ZBTB40: variants seen among roughly 807,000 people sequenced by gnomAD.
The protein encoded by ZBTB40 is zinc finger and BTB domain containing 40.
A neutral mutation model predicts 117.5 loss-of-function variants in ZBTB40; 60 were observed. That is an observed-to-expected ratio of 0.51 (90% CI 0.41 to 0.63). The LOEUF (loss-of-function observed/expected upper bound fraction) is 0.63. Among genes scored for constraint, ZBTB40 ranks in the 30% least tolerant of loss-of-function variants. ZBTB40 has a pLI of 0.00. For missense variants in ZBTB40, 1,287 were observed against 1,498.5 expected (o/e 0.86, Z 2.33); for synonymous variants, 525 against 577.1 (o/e 0.91, Z 1.29).
At chr1:22,464,244 C>G (rs1267002914) in intron 1 of ZBTB40, among the ~76,000 whole-genome samples, 1 of 152,236 alleles carries the variant, frequency 6.6e-6, no homozygotes, top group African/African-American at 2.4e-5. Flanking sequence ...ATTGAACATT[C>G]AAGATTCGCA....
Position 22,490,289 on chromosome 1 carries a change from C to T in ZBTB40, c.341C>T (p.Thr114Ile). The T allele has an allele frequency of 6.2e-7, 1 of 1,614,188 alleles. No homozygotes were observed. The highest frequency in any genetic ancestry group is 8.5e-7 in the Non-Finnish European group (1 of 1,180,040). The change falls in exon 2 of 18, where the codon ACC (threonine) becomes ATC (isoleucine). Residue 114 changes from threonine (T) to isoleucine (I), a missense_variant. Thr to Ile is a moderately conservative substitution (Grantham distance 89). Coordinates refer to ENST00000375647, the MANE Select transcript of ZBTB40 (RefSeq NM_014870.4). Reference sequence around the variant, plus strand: ...GCTGTTAGCTGCAAAAATCTTCTGACCAGCCTTGTAAACTGCTCGGTTCAG... The same window carrying T: ...GCTGTTAGCTGCAAAAATCTTCTGATCAGCCTTGTAAACTGCTCGGTTCAG... The part of the protein sequence containing the change: ...DVAVSCKNLL[T>I]SLVNCSVQGQ...
chr1:22,499,914 T>C (rs1029422336), intron 3 of ZBTB40, among the ~76,000 whole-genome samples: 1 of 152,244 alleles, frequency 6.6e-6, no homozygotes, highest in Non-Finnish European at 1.5e-5. Context: ...ACAGTATTCA[T>C]GAGCTCCTTT....
In ZBTB40 at chr1:22,530,997, C is replaced by G. The variant is rs1639813694; in HGVS notation, c.*4601C>G. The G allele has an allele frequency of 6.6e-6, 1 of 152,192 alleles. No homozygotes were observed. The allele number at this position is 152,192 out of a possible 1,614,324, so 9.4% of individuals were successfully genotyped here. A position where few individuals can be genotyped will look rare whatever the true frequency, so the allele number is the denominator to read the frequency against. On this transcript the variant is annotated 3_prime_UTR_variant, in exon 18 of 18. Transcript: ENST00000375647. Reference sequence around the variant, plus strand: ...ACTGACATTGTGTGAGATGCTTACTCTCTCTGAGCTCCCTCCTCCTGGCTC... The same window carrying G: ...ACTGACATTGTGTGAGATGCTTACTGTCTCTGAGCTCCCTCCTCCTGGCTC...
At chr1:22,476,005 G>A (rs910900580) in intron 1 of ZBTB40, among the ~76,000 whole-genome samples, 2 of 152,182 alleles carry the variant, frequency 1.3e-5, no homozygotes, top group East Asian at 1.9e-4. Flanking sequence ...TAGTAGTAGC[G>A]GCAAAGGCTT....
In ZBTB40 at chr1:22,513,478, A is replaced by T. The variant is rs1481873604; in HGVS notation, c.2668+348A>T. ...AAAAAAATAAGGCTGAGGCAGGCGGATCACAAGGTCAGGAGATTGAGACCA... is the reference window on the plus strand; with the variant it reads ...AAAAAAATAAGGCTGAGGCAGGCGGTTCACAAGGTCAGGAGATTGAGACCA... On this transcript the variant is annotated intron_variant, in intron 12 of 17. Transcript: ENST00000375647. This position sits in a 1 kb window ranked among gnomAD's most constrained non-coding sequence, Gnocchi z 4.9. 6.6e-6 allele frequency among the ~76,000 whole-genome samples: 1 copy of T among 152,134 alleles called. No individual in the cohort carries two copies. The highest frequency in any genetic ancestry group is 2.4e-5 in the African/African-American group (1 of 41,444).
At chr1:22,491,574 G>A (rs1638633230) in intron 3 of ZBTB40, 41 bp downstream of exon 3, 3 of 1,608,100 alleles carry the variant, frequency 1.9e-6, no homozygotes, top group Non-Finnish European at 1.7e-6. Flanking sequence ...CTAGTTTAGT[G>A]TTCTCAGGAT....
chr1:22,490,083 C>T lies in ZBTB40; in HGVS notation c.135C>T (p.Ala45=). Residue 45 remains alanine (A), a synonymous_variant, in exon 2 of 18, where the codon GCC becomes GCT. Transcript: ENST00000375647. ...FRAHKLVLAA[A]SLLFKTLLDN... ...CTCACAAGCTTGTCCTGGCTGCTGC[C>T]AGCCTCCTGTTCAAAACCCTGCTGG... The T allele has an allele frequency of 1.2e-6, 2 of 1,614,208 alleles. No homozygotes were observed. The highest frequency in any genetic ancestry group is 1.7e-6 in the Non-Finnish European group (2 of 1,180,038).
chr1:22,438,743 G>A (rs1440407228), intron 1 of ZBTB40, among the ~76,000 whole-genome samples: 3 of 152,116 alleles, frequency 2.0e-5, no homozygotes, highest in African/African-American at 7.2e-5. Flanking sequence ...GTATCTCATT[G>A]AAGTTTTGAT....
chr1:22,513,787 C>T lies in ZBTB40; in HGVS notation c.2668+657C>T, dbSNP rs946757658. ...GACTGGGAATAGCTCTGTGCACAGA[C>T]GTAAACTGCTTACTGGGAGAGCTTC... On this transcript the variant is annotated intron_variant, in intron 12 of 17. Coordinates refer to ENST00000375647, the MANE Select transcript of ZBTB40 (RefSeq NM_014870.4). This position sits in a 1 kb window ranked among gnomAD's most constrained non-coding sequence, Gnocchi z 4.9. 2.0e-5 allele frequency among the ~76,000 whole-genome samples: 3 copies of T among 152,212 alleles called. No individual in the cohort carries two copies. Among genetic ancestry groups the T allele is most frequent in the South Asian group, 2.1e-4 (1 of 4,828 alleles).
At chr1:22,511,108 T>TTA in intron 9 of ZBTB40, 71 bp from the exon 10 acceptor site, 1 of 1,578,826 alleles carries the variant, frequency 6.3e-7, no homozygotes, top group African/African-American at 1.4e-5. Context: ...TTTTTTTTTT[T>TTA]TTAGGTTGAA....
At chr1:22,441,262 T>C (rs1428019142) in intron 1 of ZBTB40, among the ~76,000 whole-genome samples, 1 of 152,098 alleles carries the variant, frequency 6.6e-6, no homozygotes, top group African/African-American at 2.4e-5. Context: ...AATTTGTTGG[T>C]ATACAATTGT....
intron 1 of ZBTB40, among the ~76,000 whole-genome samples, chr1:22,489,039 A>G (rs142011944): frequency 6.6e-6 from 1 of 152,368 alleles, no homozygotes; most frequent in African/African-American, 2.4e-5. Flanking sequence ...CTGAAGAACT[A>G]GAAGGACAGA....
Position 22,520,128 on chromosome 1 carries a change from G to T in ZBTB40, c.2901G>T (p.Lys967Asn), listed in dbSNP as rs902237266. The T allele has an allele frequency of 5.6e-6, 9 of 1,614,094 alleles. No individual in the cohort carries two copies. Among genetic ancestry groups the T allele is most frequent in the Non-Finnish European group, 7.6e-6 (9 of 1,180,036 alleles). ...MSFPTLQDHR[K>N]HIHEVHSKEY... ...TCCCCACTCTTCAGGATCACCGGAAGCACATCCATGAGGTGCACTCCAAAG... is the reference window on the plus strand; with the variant it reads ...TCCCCACTCTTCAGGATCACCGGAATCACATCCATGAGGTGCACTCCAAAG... Residue 967 changes from lysine (K) to asparagine (N), a missense_variant, in exon 14 of 18, where the codon AAG becomes AAT. Around this residue, in one of 2 missense-constraint regions of ZBTB40, gnomAD observed 417 missense variants for 564.1 expected, o/e 0.74. Transcript: ENST00000375647.
chr1:22,506,552 T>G (rs1030361037), intron 6 of ZBTB40, among the ~76,000 whole-genome samples: 1 of 152,152 alleles, frequency 6.6e-6, no homozygotes, highest in Non-Finnish European at 1.5e-5. Context: ...TCATAAGGCT[T>G]AGCACTGTGT....
intron 1 of ZBTB40, among the ~76,000 whole-genome samples, chr1:22,472,845 G>T (rs1349970945): frequency 1.3e-5 from 2 of 152,202 alleles, no homozygotes. Context: ...GCAGCAACTG[G>T]CTAAAGCCTG....
intron 11 of ZBTB40, 150 bp from the exon 12 acceptor site, chr1:22,512,774 G>A (rs948971410): frequency 3.6e-6 from 3 of 842,742 alleles, no homozygotes; most frequent in Admixed American, 4.0e-5. Context: ...GCTGTGTGCA[G>A]TGGGTACCAG....
chr1:22,433,881 T>G (rs1344911837), intron 1 of ZBTB40, among the ~76,000 whole-genome samples: 1 of 152,044 alleles, frequency 6.6e-6, no homozygotes, highest in Non-Finnish European at 1.5e-5. Flanking sequence ...AGTTTTTTTT[T>G]TGTTTGTTTG....
At chr1:22,492,408 C>T (rs746406462) in intron 3 of ZBTB40, among the ~76,000 whole-genome samples, 6 of 152,178 alleles carry the variant, frequency 3.9e-5, no homozygotes, top group Non-Finnish European at 7.3e-5. Context: ...ATTCTTCACA[C>T]CTGACCCTGC....
At chr1:22,519,830 CAGTT>C (rs1639472586) in intron 13 of ZBTB40, 7 of 597,914 alleles carry the variant, frequency 1.2e-5, no homozygotes, top group South Asian at 7.5e-5. Context: ...GCTGCAGAGA[CAGTT>C]AGTCTTGAAA....
Sources: allele counts gnomAD v4.1 joint callset (sites outside exome capture counted in the v4.1 genomes callset), GRCh38; gene constraint gnomAD v4.1.1; regional missense constraint gnomAD v4.1.1; non-coding constraint Gnocchi (gnomAD v3.1); transcripts MANE v1.5; gene names NCBI Gene and HGNC (gene_info 2026-07-23, HGNC 2026-07-21).